Variants in NTM observed in about 807,000 individuals in gnomAD.
NTM encodes the protein neurotrimin, also known as IgLON family member 2.
A neutral mutation model predicts 42.1 loss-of-function variants in NTM; 13 were observed. The observed-to-expected ratio is 0.31, with a 90% confidence interval of 0.20 to 0.49. The LOEUF (loss-of-function observed/expected upper bound fraction) is 0.49. Among genes scored for constraint, NTM ranks in the 20% least tolerant of loss-of-function variants. NTM has a pLI of 0.99. For synonymous variants in NTM, 187 were observed against 179.2 expected, an observed-to-expected ratio of 1.04 and a Z score of -0.35; for missense variants, 373 against 452.8, an observed-to-expected ratio of 0.82 and a Z score of 1.60.
intron 2 of NTM, among the ~76,000 whole-genome samples, chr11:132,067,072 G>A (rs976918712): frequency 2.0e-4 from 30 of 151,948 alleles, no homozygotes; most frequent in African/African-American, 6.5e-4. Context: ...CTCCTACCTC[G>A]GCCTCTTAAG....
chr11:132,137,154 C>G (rs1032693392), intron 2 of NTM, among the ~76,000 whole-genome samples: 2 of 152,228 alleles, frequency 1.3e-5, no homozygotes, highest in Non-Finnish European at 2.9e-5. Context: ...GGACAACTGC[C>G]AGGCTGGCCT....
intron 1 of NTM, among the ~76,000 whole-genome samples, chr11:131,802,073 T>C (rs1565570238): frequency 6.6e-6 from 1 of 152,186 alleles, no homozygotes; most frequent in Non-Finnish European, 1.5e-5. Context: ...ATTCTGAGCA[T>C]TACAATGCAT....
intron 1 of NTM, among the ~76,000 whole-genome samples, chr11:131,684,902 C>A (rs1189084940): frequency 6.6e-6 from 1 of 152,194 alleles, no homozygotes; most frequent in African/African-American, 2.4e-5. Flanking sequence ...AGACCAAGGG[C>A]ATGAGTGAGC....
At chr11:131,636,703 C>T (rs2064443338) in intron 1 of NTM, among the ~76,000 whole-genome samples, 1 of 152,202 alleles carries the variant, frequency 6.6e-6, no homozygotes, top group Admixed American at 6.5e-5. Context: ...ATCTGGACTC[C>T]TCCCGACTCT....
chr11:132,218,102 C>T (rs999051200), intron 4 of NTM, among the ~76,000 whole-genome samples: 1 of 152,116 alleles, frequency 6.6e-6, no homozygotes, highest in African/African-American at 2.4e-5. Flanking sequence ...AACTAATGAG[C>T]AGCCTGTCAG....
chr11:131,517,588 CTT>C (rs368596079), intron 1 of NTM, among the ~76,000 whole-genome samples: 3,295 of 152,140 alleles, frequency 0.022, 126 homozygotes, highest in African/African-American at 0.075. Flanking sequence ...AAGCATCACT[CTT>C]TTTTTTCCCT....
chr11:131,826,835 T>A (rs1411902553), intron 1 of NTM, among the ~76,000 whole-genome samples: 1 of 152,094 alleles, frequency 6.6e-6, no homozygotes, highest in Non-Finnish European at 1.5e-5. Context: ...AGCTCCAGGA[T>A]CTGCAGTTTC....
At chr11:131,695,451 G>C (rs1450121765) in intron 1 of NTM, among the ~76,000 whole-genome samples, 4 of 152,170 alleles carry the variant, frequency 2.6e-5, no homozygotes, top group Non-Finnish European at 5.9e-5. Context: ...AGAGTGATCC[G>C]ATGAGGCACA....
intron 1 of NTM, among the ~76,000 whole-genome samples, chr11:131,843,347 T>C (rs1363367707): frequency 6.6e-6 from 1 of 152,222 alleles, no homozygotes; most frequent in Non-Finnish European, 1.5e-5. Flanking sequence ...TTCTCCATGA[T>C]TTTGAACTAC....
At chr11:132,262,074 C>G (rs1223357445) in intron 4 of NTM, among the ~76,000 whole-genome samples, 1 of 152,174 alleles carries the variant, frequency 6.6e-6, no homozygotes, top group South Asian at 2.1e-4. Context: ...CATCCTCCAC[C>G]CCCACCCTAT....
intron 3 of NTM, among the ~76,000 whole-genome samples, chr11:132,157,144 CTTG>C (rs1198296871): frequency 2.0e-5 from 3 of 152,134 alleles, no homozygotes; most frequent in Non-Finnish European, 4.4e-5. Context: ...ATCAATTTCT[CTTG>C]TTTGTTAAGC....
chr11:132,118,871 TG>T (rs1261184738), intron 2 of NTM, among the ~76,000 whole-genome samples: 2 of 151,998 alleles, frequency 1.3e-5, no homozygotes, highest in Non-Finnish European at 2.9e-5. Flanking sequence ...CGGGATTTTG[TG>T]GTACCATAAT....
At chr11:132,013,401 A>T (rs945171450) in intron 2 of NTM, among the ~76,000 whole-genome samples, 1 of 152,130 alleles carries the variant, frequency 6.6e-6, no homozygotes, top group Non-Finnish European at 1.5e-5. Context: ...GCCTGACTGG[A>T]GTTGGTTGTG....
intron 1 of NTM, among the ~76,000 whole-genome samples, chr11:131,532,162 C>A (rs2051371951): frequency 6.6e-6 from 1 of 152,256 alleles, no homozygotes; most frequent in African/African-American, 2.4e-5. Flanking sequence ...ACAACTATTA[C>A]AACCATCTCC....
At chr11:131,860,019 T>C (rs943815790) in intron 1 of NTM, among the ~76,000 whole-genome samples, 1 of 152,152 alleles carries the variant, frequency 6.6e-6, no homozygotes, top group Non-Finnish European at 1.5e-5. Context: ...AACTCTGATA[T>C]CTATTAGAGT....
intron 2 of NTM, among the ~76,000 whole-genome samples, chr11:132,004,654 A>AC (rs746575374): frequency 2.9e-5 from 4 of 136,022 alleles, no homozygotes; most frequent in African/African-American, 6.0e-5. Flanking sequence ...ACACACACAC[A>AC]ACACACACAC....
At chr11:131,923,497 C>G (rs181258922) in intron 2 of NTM, among the ~76,000 whole-genome samples, 5 of 152,144 alleles carry the variant, frequency 3.3e-5, no homozygotes, top group Non-Finnish European at 7.4e-5. Flanking sequence ...TGTTTGTTTT[C>G]TAGGTCAGAG....
In NTM at chr11:131,627,962, TAGAGG is replaced by T. The variant is rs533810700; in HGVS notation, c.82+257078_82+257082del. Among the ~76,000 whole-genome samples, 54 of 152,320 alleles carry T rather than the reference TAGAGG, an allele frequency of 3.5e-4. No homozygotes were observed. The South Asian group carries it at 7.0e-3, about 20-fold the overall frequency. On this transcript the variant is annotated intron_variant, in intron 1 of 8. Coordinates refer to ENST00000683400, the MANE Select transcript of NTM (RefSeq NM_001352005.2). ...TTGGACAAAGGAAATAGAACTTCCATAGAGGAGAAGAAGGATTTCTCACTCCCATC... is the reference window on the plus strand; with the variant it reads ...TTGGACAAAGGAAATAGAACTTCCATAGAAGAAGGATTTCTCACTCCCATC...
At chr11:132,111,566 G>A (rs933857268) in intron 2 of NTM, among the ~76,000 whole-genome samples, 1 of 152,188 alleles carries the variant, frequency 6.6e-6, no homozygotes, top group Non-Finnish European at 1.5e-5. Context: ...GTCCTCTGCA[G>A]TCCTAAGCAA....
Sources: gnomAD v4.1 joint callset for allele counts (sites outside exome capture counted in the v4.1 genomes callset) on GRCh38, gnomAD v4.1.1 for gene constraint, MANE v1.5 for transcripts, NCBI Gene and HGNC (gene_info 2026-07-23, HGNC 2026-07-21) for gene names.